The following CNKSR2 variants were observed in gnomAD, a reference collection of about 807,000 sequenced individuals.
The protein encoded by CNKSR2 is connector enhancer of kinase suppressor of Ras 2, also known as CNK homolog protein 2.
Under a neutral mutation model 84.4 loss-of-function variants are expected in CNKSR2, and 14 were observed. That is an observed-to-expected ratio of 0.17 (90% CI 0.11 to 0.26). The LOEUF (loss-of-function observed/expected upper bound fraction) is 0.26. Among genes scored for constraint, CNKSR2 ranks in the 10% least tolerant of loss-of-function variants. CNKSR2 has a pLI of 1.00. For synonymous variants in CNKSR2, 275 were observed against 277.9 expected (o/e 0.99, Z 0.10); for missense variants, 485 against 771.2 (o/e 0.63, Z 4.40).
At chrX:21,548,536 AT>A (rs1353998605) in intron 11 of CNKSR2, among the ~76,000 whole-genome samples, 2 of 112,001 alleles carry the variant, frequency 1.8e-5, no homozygotes, top group Non-Finnish European at 3.8e-5. Flanking sequence ...ATCCCATACA[AT>A]AGAAAAAGAG....
intron 2 of CNKSR2, chrX:21,426,902 C>A (rs2090572353): frequency 3.3e-5 from 12 of 367,908 alleles, no homozygotes; most frequent in South Asian, 2.8e-4. Flanking sequence ...AACCTTAAGT[C>A]CAGAGTGTAT....
chrX:21,503,113 G>A (rs1015003286), intron 8 of CNKSR2: 4 of 277,219 alleles, frequency 1.4e-5, no homozygotes, highest in Non-Finnish European at 2.5e-5. Context: ...ATTGTTTGTG[G>A]AACAAAGATA....
intron 20 of CNKSR2, among the ~76,000 whole-genome samples, chrX:21,612,157 G>A (rs961216531): frequency 1.8e-5 from 2 of 112,296 alleles, no homozygotes; most frequent in African/African-American, 3.2e-5. Context: ...AATCTTTAAG[G>A]TCTAGTTATG....
At chrX:21,561,643 C>G (rs2092190947) in intron 12 of CNKSR2, 83 bp downstream of exon 12, 1 of 686,997 alleles carries the variant, frequency 1.5e-6, no homozygotes, top group African/African-American at 2.2e-5. Flanking sequence ...ATTGTTATGG[C>G]TTCAGTGGAA....
At chrX:21,497,684 A>C in intron 6 of CNKSR2, 103 bp from the exon 7 acceptor site, 1 of 493,356 alleles carries the variant, frequency 2.0e-6, no homozygotes, top group Non-Finnish European at 3.6e-6. Context: ...GGCGTGTGGC[A>C]GTTTTAATTT....
intron 1 of CNKSR2, among the ~76,000 whole-genome samples, chrX:21,420,963 C>A (rs936379756): frequency 9.0e-6 from 1 of 111,242 alleles, no homozygotes; most frequent in Non-Finnish European, 1.9e-5. Flanking sequence ...CTAGGATTTG[C>A]AGTCCTTGTG....
intron 20 of CNKSR2, among the ~76,000 whole-genome samples, chrX:21,610,070 T>G (rs1444719124): frequency 1.8e-5 from 2 of 112,150 alleles, no homozygotes; most frequent in Non-Finnish European, 3.8e-5. Flanking sequence ...TCTATACATA[T>G]ACATATTTAT....
intron 20 of CNKSR2, among the ~76,000 whole-genome samples, chrX:21,619,186 C>G (rs1448498432): frequency 8.9e-6 from 1 of 111,912 alleles, no homozygotes; most frequent in Non-Finnish European, 1.9e-5. Flanking sequence ...TTCTGGTTAC[C>G]CAGTTGTACT....
intron 6 of CNKSR2, 56 bp downstream of exon 6, chrX:21,490,634 T>C (rs2091433138): frequency 9.3e-7 from 1 of 1,079,803 alleles, no homozygotes; most frequent in Non-Finnish European, 1.2e-6. Context: ...GCTAATGATG[T>C]GGACAAAGCA....
chrX:21,641,713 C>G, intron 20 of CNKSR2: 2 of 1,077,628 alleles, frequency 1.9e-6, no homozygotes, highest in Non-Finnish European at 2.4e-6. Flanking sequence ...TGGCCTCGTC[C>G]TTGCTGTTTA....
chrX:21,506,207 T>G (rs2147075736), intron 8 of CNKSR2: 1 of 111,670 alleles, frequency 9.0e-6, no homozygotes, highest in South Asian at 3.7e-4. Flanking sequence ...TAATAAATAA[T>G]GGGTTCTTAT....
intron 2 of CNKSR2, among the ~76,000 whole-genome samples, chrX:21,430,858 G>A (rs2090625568): frequency 1.8e-5 from 2 of 112,002 alleles, no homozygotes; most frequent in African/African-American, 6.5e-5. Flanking sequence ...ATTCTTAAAT[G>A]CAATAGAATT....
intron 1 of CNKSR2, among the ~76,000 whole-genome samples, chrX:21,394,900 G>T (rs6528018): frequency 0.36 from 40,068 of 110,606 alleles, 9,165 homozygotes; most frequent in African/African-American, 0.86. Flanking sequence ...GGAAAAACAG[G>T]CAATTGTAAG....
At chrX:21,400,577 T>C (rs2090177191) in intron 1 of CNKSR2, among the ~76,000 whole-genome samples, 1 of 111,571 alleles carries the variant, frequency 9.0e-6, no homozygotes, top group Admixed American at 9.5e-5. Flanking sequence ...CTGCTACTAC[T>C]CTTAAACTTT....
At chrX:21,573,396 TTGTG>T (rs1344405344) in intron 13 of CNKSR2, among the ~76,000 whole-genome samples, 2 of 112,048 alleles carry the variant, frequency 1.8e-5, no homozygotes, top group African/African-American at 6.5e-5. Context: ...AGTGGAGACT[TTGTG>T]TGGGGACTCT....
intron 1 of CNKSR2, chrX:21,425,578 A>T (rs1367683574): frequency 1.8e-5 from 2 of 111,650 alleles, no homozygotes; most frequent in African/African-American, 6.5e-5. Context: ...CCATAACTTC[A>T]GCTGGAATGT....
At chrX:21,480,907 C>T (rs775482222) in intron 5 of CNKSR2, among the ~76,000 whole-genome samples, 1 of 111,884 alleles carries the variant, frequency 8.9e-6, no homozygotes, top group East Asian at 2.8e-4. Flanking sequence ...TATTTACTTG[C>T]CAAACAATGT....
intron 11 of CNKSR2, among the ~76,000 whole-genome samples, chrX:21,545,496 G>A (rs1419936132): frequency 3.6e-5 from 4 of 111,971 alleles, no homozygotes; most frequent in South Asian, 3.7e-4. Context: ...GTGCAGCTTC[G>A]GCAGACTTAA....
intron 19 of CNKSR2, 47 bp downstream of exon 19, chrX:21,606,926 G>C: frequency 1.5e-6 from 1 of 678,863 alleles, no homozygotes; most frequent in Non-Finnish European, 2.2e-6. Flanking sequence ...TCTTCTACCT[G>C]AAACATCCTT....
Sources: gnomAD v4.1 joint callset for allele counts (sites outside exome capture counted in the v4.1 genomes callset) on GRCh38, gnomAD v4.1.1 for gene constraint, MANE v1.5 for transcripts, NCBI Gene and HGNC (gene_info 2026-07-23, HGNC 2026-07-21) for gene names.